Variants in CREB5 observed in about 807,000 individuals in gnomAD.
CREB5 encodes cAMP responsive element binding protein 5, also known as cyclic AMP-responsive element-binding protein 5.
Under a neutral mutation model 57.1 loss-of-function variants are expected in CREB5, and 19 were observed. The observed-to-expected ratio is 0.33, with a 90% CI of 0.23 to 0.49. The LOEUF is 0.49. CREB5 is among the 20% of genes least tolerant of loss of function. The pLI is 0.99. For synonymous variants in CREB5, 238 were observed against 238.3 expected (o/e 1.00, Z 0.01); for missense variants, 579 against 671.6 (o/e 0.86, Z 1.52).
intron 1 of CREB5, among the ~76,000 whole-genome samples, chr7:28,460,212 T>C (rs1482218071): frequency 6.6e-6 from 1 of 151,980 alleles, no homozygotes; most frequent in African/African-American, 2.4e-5. Flanking sequence ...ATTATGTTTA[T>C]AAAAGGAAAT....
intron 1 of CREB5, among the ~76,000 whole-genome samples, chr7:28,414,652 AC>A (rs776211125): frequency 6.6e-6 from 1 of 152,224 alleles, no homozygotes; most frequent in Non-Finnish European, 1.5e-5. Context: ...TTTAAAAATG[AC>A]ATCATGTTTA....
At chr7:28,591,985 G>A (rs1379306560) in intron 5 of CREB5, among the ~76,000 whole-genome samples, 1 of 152,108 alleles carries the variant, frequency 6.6e-6, no homozygotes, top group Non-Finnish European at 1.5e-5. Flanking sequence ...CTGTAATGCA[G>A]AACCCATGGT....
chr7:28,448,741 T>C (rs1252611897), intron 1 of CREB5, among the ~76,000 whole-genome samples: 1 of 152,216 alleles, frequency 6.6e-6, no homozygotes, highest in African/African-American at 2.4e-5. Context: ...ACGAGCTAGC[T>C]GGGTTTTCAG....
intron 1 of CREB5, among the ~76,000 whole-genome samples, chr7:28,405,212 T>G (rs2128000324): frequency 6.6e-6 from 1 of 152,320 alleles, no homozygotes; most frequent in African/African-American, 2.4e-5. Flanking sequence ...AACTTCCCAA[T>G]GGGACGATAG....
At chr7:28,596,676 C>A (rs549857704) in intron 5 of CREB5, among the ~76,000 whole-genome samples, 1 of 152,176 alleles carries the variant, frequency 6.6e-6, no homozygotes, top group African/African-American at 2.4e-5. Context: ...TGCTATGTGA[C>A]CTTGGACTTG....
At chr7:28,603,212 A>G (rs1203408804) in intron 5 of CREB5, among the ~76,000 whole-genome samples, 1 of 152,230 alleles carries the variant, frequency 6.6e-6, no homozygotes, top group Non-Finnish European at 1.5e-5. Context: ...TCCAAAGGTC[A>G]GCAACTGCAT....
At chr7:28,457,077 C>T (rs1028393854) in intron 1 of CREB5, among the ~76,000 whole-genome samples, 26 of 152,116 alleles carry the variant, frequency 1.7e-4, no homozygotes, top group African/African-American at 5.3e-4. Flanking sequence ...TGAGAACACT[C>T]GAGACAGAGA....
At chr7:28,583,384 AG>A (rs772675273) in intron 5 of CREB5, among the ~76,000 whole-genome samples, 5 of 152,196 alleles carry the variant, frequency 3.3e-5, no homozygotes, top group Non-Finnish European at 7.3e-5. Flanking sequence ...CTGAGGTGAT[AG>A]GTGATTGAGG....
At chr7:28,435,846 G>A (rs1788938803) in intron 1 of CREB5, among the ~76,000 whole-genome samples, 1 of 152,002 alleles carries the variant, frequency 6.6e-6, no homozygotes, top group Admixed American at 6.6e-5. Flanking sequence ...GGTGACTCTT[G>A]GATTTACCTA....
chr7:28,743,838 C>CTTTTTTTTTTTTTTTT, intron 7 of CREB5, among the ~76,000 whole-genome samples: 2 of 76,020 alleles, frequency 2.6e-5, no homozygotes, highest in Non-Finnish European at 2.3e-5. Context: ...ATCTCCTTTT[C>CTTTTTTTTTTTTTTTT]TTTTTTTTTT....
At chr7:28,399,699 G>A (rs997060137) in intron 1 of CREB5, among the ~76,000 whole-genome samples, 8 of 152,104 alleles carry the variant, frequency 5.3e-5, no homozygotes, top group Admixed American at 5.2e-4. Context: ...AGGATTGCTT[G>A]AGCCCAGGAG....
chr7:28,530,254 C>T (rs1302357995), intron 4 of CREB5, among the ~76,000 whole-genome samples: 4 of 152,178 alleles, frequency 2.6e-5, no homozygotes, highest in Non-Finnish European at 5.9e-5. Flanking sequence ...TTTCCTCGCC[C>T]GTCAGATAAG....
At chr7:28,583,102 G>A (rs934002487) in intron 5 of CREB5, among the ~76,000 whole-genome samples, 1 of 152,180 alleles carries the variant, frequency 6.6e-6, no homozygotes, top group Admixed American at 6.5e-5. Context: ...CATTTCCCAG[G>A]TATGTCTTCA....
chr7:28,493,022 C>G (rs1791874481), intron 2 of CREB5, among the ~76,000 whole-genome samples: 1 of 152,064 alleles, frequency 6.6e-6, no homozygotes, highest in Non-Finnish European at 1.5e-5. Context: ...CCAATGCTTT[C>G]CAATTTATAT....
chr7:28,461,077 A>G lies in CREB5; in HGVS notation c.4-27098A>G, dbSNP rs963812004. ...CAAAATGAAATCCCCACAAAAACTT[A>G]TCAGGTTTGGTGGTGCCCACCTGTG... is the stretch of plus-strand genomic sequence containing the variant. On this transcript the variant is annotated intron_variant, in intron 1 of 10. Coordinates refer to ENST00000357727, the MANE Select transcript of CREB5 (RefSeq NM_182898.4). Among the ~76,000 whole-genome samples, 9 of 151,262 alleles carry G rather than the reference A, an allele frequency of 5.9e-5. No homozygotes were observed. The South Asian group carries it at 1.7e-3, about 28-fold the overall frequency.
chr7:28,692,646 G>A (rs1044172177), intron 5 of CREB5, among the ~76,000 whole-genome samples: 3 of 152,122 alleles, frequency 2.0e-5, no homozygotes, highest in African/African-American at 7.2e-5. Flanking sequence ...GCACATGCCT[G>A]TAATTCCAGC....
rs1803214480 is a variant in CREB5, at chr7:28,724,332, G to A, written c.702G>A (p.Met234Ile). ...AGCCAATGCATTCAGAAGCCAAAAT[G>A]GTAAGTAACAGTTATAATCACCCTT... ...QVQPMHSEAK[M>I]RLKAALTHHP... Residue 234 changes from methionine (M) to isoleucine (I), a missense_variant and splice_region_variant, in exon 7 of 11, where the codon ATG becomes ATA. By Grantham distance (10) the Met-to-Ile change is conservative. Around this residue, in one of 3 missense-constraint regions of CREB5, gnomAD observed 459 missense variants for 515.7 expected, o/e 0.89. Coordinates refer to ENST00000357727, the MANE Select transcript of CREB5 (RefSeq NM_182898.4). 1 of 1,610,822 alleles carries A rather than the reference G, an allele frequency of 6.2e-7. No homozygotes were observed. Among genetic ancestry groups the A allele is most frequent in the Non-Finnish European group, 8.5e-7 (1 of 1,177,376 alleles).
intron 1 of CREB5, among the ~76,000 whole-genome samples, chr7:28,364,551 G>C (rs1786550860): frequency 6.6e-6 from 1 of 152,148 alleles, no homozygotes; most frequent in African/African-American, 2.4e-5. Flanking sequence ...ACCAACAGAA[G>C]CTCAAGCCTC....
rs56224961 is a variant in CREB5 at position 28,775,543 on chromosome 7, CATATATAT to C, written c.703-28641_703-28634del. 5.8e-5 allele frequency among the ~76,000 whole-genome samples: 7 copies of C among 120,692 alleles called. No homozygotes were observed. In the East Asian group the frequency reaches 1.7e-3, roughly 29 times the overall value. 79.2% of individuals were successfully genotyped at this position (120,692 alleles called of 152,430 possible). A position where few individuals can be genotyped will look rare whatever the true frequency, so the allele number is the denominator to read the frequency against. On this transcript the variant is annotated intron_variant, in intron 7 of 10. Coordinates refer to ENST00000357727, the MANE Select transcript of CREB5 (RefSeq NM_182898.4). ...ATGCCATATTTATGTATTCCTTAGC[CATATATAT>C]ATATATATATATATTAGCGTATTTT...
Sources: allele counts gnomAD v4.1 joint callset (sites outside exome capture counted in the v4.1 genomes callset), GRCh38; gene constraint gnomAD v4.1.1; regional missense constraint gnomAD v4.1.1; transcripts MANE v1.5; gene names NCBI Gene and HGNC (gene_info 2026-07-23, HGNC 2026-07-21).